The following CDKAL1 variants were observed in gnomAD, a reference collection of about 807,000 sequenced individuals.
The protein encoded by CDKAL1 is threonylcarbamoyladenosine tRNA methylthiotransferase.
CDKAL1 carries 32 observed loss-of-function variants against 68.2 expected under a neutral mutation model. That is an observed-to-expected ratio of 0.47 (90% CI 0.35 to 0.63). CDKAL1 has a LOEUF of 0.63. Among genes scored for constraint, CDKAL1 ranks in the 30% least tolerant of loss-of-function variants. The probability of loss-of-function intolerance (pLI) is 0.00; values close to 1 mark genes in which losing one functional copy is unlikely to be tolerated. For missense variants in CDKAL1, 606 were observed against 696.7 expected, an observed-to-expected ratio of 0.87 and a Z score of 1.47; for synonymous variants, 234 against 244.3, an observed-to-expected ratio of 0.96 and a Z score of 0.39.
At chr6:21,132,066 A>G (rs185778246) in intron 13 of CDKAL1, among the ~76,000 whole-genome samples, 35 of 152,226 alleles carry the variant, frequency 2.3e-4, no homozygotes, top group Non-Finnish European at 4.3e-4. Flanking sequence ...TTGAGAATAC[A>G]GAGAGTTGGA....
At chr6:20,809,566 G>A (rs1017872210) in intron 8 of CDKAL1, among the ~76,000 whole-genome samples, 11 of 152,132 alleles carry the variant, frequency 7.2e-5, no homozygotes, top group Non-Finnish European at 1.3e-4. Flanking sequence ...TGGCCTTAGA[G>A]GAGGCAACAT....
At chr6:20,623,095 T>C (rs1190654662) in intron 4 of CDKAL1, among the ~76,000 whole-genome samples, 1 of 152,110 alleles carries the variant, frequency 6.6e-6, no homozygotes, top group East Asian at 1.9e-4. Flanking sequence ...GTTAGTAAGA[T>C]AATGAAAGAT....
chr6:21,017,532 G>T (rs1426395281), intron 11 of CDKAL1, among the ~76,000 whole-genome samples: 2 of 152,258 alleles, frequency 1.3e-5, no homozygotes, highest in East Asian at 3.9e-4. Flanking sequence ...CTATCTCTAG[G>T]GTTTGGTTCA....
chr6:21,145,146 T>A (rs1776106415), intron 13 of CDKAL1, among the ~76,000 whole-genome samples: 1 of 152,186 alleles, frequency 6.6e-6, no homozygotes, highest in South Asian at 2.1e-4. Flanking sequence ...TTCACAGCCT[T>A]TATTTCCAGG....
chr6:20,784,081 C>T (rs868588552), intron 8 of CDKAL1, among the ~76,000 whole-genome samples: 12 of 151,970 alleles, frequency 7.9e-5, no homozygotes, highest in Middle Eastern at 3.4e-3. Context: ...GGCGTGGCGG[C>T]GCGTGCCTGT....
chr6:20,720,861 A>T (rs1343297035), intron 5 of CDKAL1, among the ~76,000 whole-genome samples: 1 of 152,088 alleles, frequency 6.6e-6, no homozygotes, highest in Non-Finnish European at 1.5e-5. Context: ...GATATGTGAT[A>T]TTTGTCTTTT....
At chr6:20,965,511 A>G (rs974374399) in intron 10 of CDKAL1, among the ~76,000 whole-genome samples, 2 of 152,172 alleles carry the variant, frequency 1.3e-5, no homozygotes, top group African/African-American at 2.4e-5. Context: ...TTTTTGAGGA[A>G]AAATACTCTT....
intron 13 of CDKAL1, among the ~76,000 whole-genome samples, chr6:21,129,507 G>C: frequency 6.6e-6 from 1 of 151,968 alleles, no homozygotes; most frequent in East Asian, 1.9e-4. Flanking sequence ...TGACATATGT[G>C]AACCCAGGGT....
At chr6:20,857,730 TAGTAA>T (rs1402294734) in intron 9 of CDKAL1, among the ~76,000 whole-genome samples, 1 of 152,160 alleles carries the variant, frequency 6.6e-6, no homozygotes, top group Non-Finnish European at 1.5e-5. Flanking sequence ...TTGATCAAAG[TAGTAA>T]AGAGGATTGG....
chr6:20,612,476 G>T (rs901530300), intron 4 of CDKAL1, among the ~76,000 whole-genome samples: 6 of 151,646 alleles, frequency 4.0e-5, no homozygotes, highest in Non-Finnish European at 8.8e-5. Flanking sequence ...TCTCATTGTG[G>T]TTTTGCTTTA....
intron 8 of CDKAL1, among the ~76,000 whole-genome samples, chr6:20,814,439 C>A (rs1776955908): frequency 6.6e-6 from 1 of 152,118 alleles, no homozygotes; most frequent in South Asian, 2.1e-4. Context: ...GCCACCATAC[C>A]CAGCTAACTT....
At chr6:20,722,102 T>C (rs1187054470) in intron 5 of CDKAL1, among the ~76,000 whole-genome samples, 1 of 152,146 alleles carries the variant, frequency 6.6e-6, no homozygotes, top group Non-Finnish European at 1.5e-5. Context: ...TACTTGCAGG[T>C]TACTCTGGAA....
chr6:20,674,638 G>A (rs1770004552), intron 5 of CDKAL1, among the ~76,000 whole-genome samples: 1 of 152,172 alleles, frequency 6.6e-6, no homozygotes, highest in East Asian at 1.9e-4. Context: ...ATAGATTAGT[G>A]TTAGCTATAG....
intron 10 of CDKAL1, among the ~76,000 whole-genome samples, chr6:20,971,666 A>G (rs1765610612): frequency 6.6e-6 from 1 of 152,174 alleles, no homozygotes; most frequent in African/African-American, 2.4e-5. Flanking sequence ...TTCAAATCAA[A>G]TGGGTCATTA....
intron 5 of CDKAL1, among the ~76,000 whole-genome samples, chr6:20,705,627 A>G (rs1771559704): frequency 6.6e-6 from 1 of 152,204 alleles, no homozygotes; most frequent in Admixed American, 6.5e-5. Flanking sequence ...CTCTTTTGCA[A>G]AGACTTGGTG....
intron 7 of CDKAL1, among the ~76,000 whole-genome samples, chr6:20,766,026 C>A (rs926682140): frequency 1.3e-5 from 2 of 152,090 alleles, no homozygotes; most frequent in Admixed American, 1.3e-4. Flanking sequence ...TATTTTTAGC[C>A]ATTAAGGCTT....
intron 13 of CDKAL1, among the ~76,000 whole-genome samples, chr6:21,152,783 T>TA (rs1776472532): frequency 6.6e-6 from 1 of 152,250 alleles, no homozygotes; most frequent in Non-Finnish European, 1.5e-5. Context: ...TTTTGTGATC[T>TA]TTGTTTAACA....
At chr6:20,623,453 G>C (rs983234047) in intron 4 of CDKAL1, among the ~76,000 whole-genome samples, 2 of 151,960 alleles carry the variant, frequency 1.3e-5, no homozygotes, top group Admixed American at 1.3e-4. Context: ...GTGTTTTAAG[G>C]GATTTAAAAT....
chr6:20,559,009 A>G (rs1198948214), intron 4 of CDKAL1: 1 of 153,012 alleles, frequency 6.5e-6, no homozygotes, highest in Non-Finnish European at 1.5e-5. Flanking sequence ...TCTGATCTCT[A>G]CATTCTATTT....
Sources: gnomAD v4.1 joint callset for allele counts (sites outside exome capture counted in the v4.1 genomes callset) on GRCh38, gnomAD v4.1.1 for gene constraint, MANE v1.5 for transcripts, NCBI Gene and HGNC (gene_info 2026-07-23, HGNC 2026-07-21) for gene names.